NTM: variants seen among roughly 807,000 people sequenced by gnomAD.
NTM encodes the protein neurotrimin.
A neutral mutation model predicts 42.1 loss-of-function variants in NTM; 13 were observed. The observed-to-expected ratio is 0.31, with a 90% CI of 0.20 to 0.49. The LOEUF (loss-of-function observed/expected upper bound fraction) is 0.49. NTM is among the 20% of genes least tolerant of loss of function. NTM has a pLI of 0.99. For synonymous variants in NTM, 187 were observed against 179.2 expected (o/e 1.04, Z -0.35); for missense variants, 373 against 452.8 (o/e 0.82, Z 1.60).
intron 1 of NTM, among the ~76,000 whole-genome samples, chr11:131,869,474 T>C (rs897235527): frequency 2.0e-5 from 3 of 152,222 alleles, no homozygotes; most frequent in African/African-American, 7.2e-5. Context: ...TCTGTTAACA[T>C]TTCACTGGCT....
At chr11:131,386,226 C>A (rs141251331) in intron 1 of NTM, among the ~76,000 whole-genome samples, 1 of 152,076 alleles carries the variant, frequency 6.6e-6, no homozygotes. Context: ...ACCAAAGGAC[C>A]GATAAGGTAT....
At chr11:131,897,961 G>A (rs1423149982) in intron 1 of NTM, among the ~76,000 whole-genome samples, 1 of 152,100 alleles carries the variant, frequency 6.6e-6, no homozygotes. Flanking sequence ...TGATATCCTT[G>A]GAAAATAATT....
intron 1 of NTM, among the ~76,000 whole-genome samples, chr11:131,603,635 A>G (rs1461866787): frequency 6.6e-6 from 1 of 152,146 alleles, no homozygotes; most frequent in Admixed American, 6.5e-5. Context: ...ATTCTAAAAC[A>G]TTTTCAAGAC....
chr11:132,065,844 A>G (rs937174927), intron 2 of NTM, among the ~76,000 whole-genome samples: 2 of 152,238 alleles, frequency 1.3e-5, no homozygotes, highest in African/African-American at 4.8e-5. Context: ...CATTAAACTC[A>G]GAAAGGTACA....
chr11:132,326,086 G>A (rs2095675137), intron 7 of NTM, among the ~76,000 whole-genome samples: 1 of 152,032 alleles, frequency 6.6e-6, no homozygotes. Flanking sequence ...GTTAATGGGT[G>A]CAGCACACCA....
At chr11:131,374,573 C>T (rs1941711628) in intron 1 of NTM, among the ~76,000 whole-genome samples, 1 of 152,162 alleles carries the variant, frequency 6.6e-6, no homozygotes. Context: ...AGGCGTCCTG[C>T]GTAGTGTCTT....
chr11:131,733,406 A>C (rs1210382055), intron 1 of NTM, among the ~76,000 whole-genome samples: 2 of 151,686 alleles, frequency 1.3e-5, no homozygotes, highest in African/African-American at 2.4e-5. Flanking sequence ...ACATCATGAC[A>C]TTTTCCTATG....
chr11:131,584,648 C>A (rs1255591516), intron 1 of NTM, among the ~76,000 whole-genome samples: 2 of 152,186 alleles, frequency 1.3e-5, no homozygotes, highest in Non-Finnish European at 1.5e-5. Flanking sequence ...GATGTAAATA[C>A]CCAAATTTGT....
At chr11:131,491,014 A>AAC (rs1293937219) in intron 1 of NTM, among the ~76,000 whole-genome samples, 3 of 152,198 alleles carry the variant, frequency 2.0e-5, no homozygotes, top group Admixed American at 2.0e-4. Flanking sequence ...GTACAATAAG[A>AAC]ACATGTCTCA....
chr11:132,335,053 C>T lies in NTM; in HGVS notation c.975C>T (p.Gly325=), dbSNP rs184652868. 1.2e-6 allele frequency: 2 copies of T among 1,612,044 alleles called. No homozygotes were observed. Among genetic ancestry groups the T allele is most frequent in the Non-Finnish European group, 1.7e-6 (2 of 1,179,920 alleles). The change falls in exon 9 of 9, where the codon GGC becomes GGT. Residue 325 remains glycine (G), a synonymous_variant. Transcript: ENST00000683400. ...TTALTPWKGP[G]AVSEVSNGTS... is the part of the protein sequence containing the mutation. Reference sequence around the variant, plus strand: ...AGTGTGTTCTCTCCACAGGTCCAGGCGCCGTCAGCGAGGTGAGCAACGGCA... The same window carrying T: ...AGTGTGTTCTCTCCACAGGTCCAGGTGCCGTCAGCGAGGTGAGCAACGGCA...
At chr11:131,724,745 C>T (rs990039600) in intron 1 of NTM, among the ~76,000 whole-genome samples, 1 of 152,180 alleles carries the variant, frequency 6.6e-6, no homozygotes, top group African/African-American at 2.4e-5. Context: ...AAATTATAGA[C>T]CTCAGCTGTC....
chr11:131,831,306 T>C (rs1479036741), intron 1 of NTM, among the ~76,000 whole-genome samples: 1 of 152,194 alleles, frequency 6.6e-6, no homozygotes, highest in Non-Finnish European at 1.5e-5. Context: ...AGTTTGCCCT[T>C]GCTTACAAGG....
chr11:131,689,892 C>G (rs1239562964), intron 1 of NTM, among the ~76,000 whole-genome samples: 1 of 152,220 alleles, frequency 6.6e-6, no homozygotes, highest in African/African-American at 2.4e-5. Context: ...TACCTATTAC[C>G]TGGGTAGAGG....
At chr11:132,116,312 G>C (rs1296598968) in intron 2 of NTM, among the ~76,000 whole-genome samples, 1 of 152,214 alleles carries the variant, frequency 6.6e-6, no homozygotes. Context: ...GGACCATGGA[G>C]GTAGGGGCTG....
intron 2 of NTM, among the ~76,000 whole-genome samples, chr11:132,007,825 G>C (rs960083086): frequency 6.6e-6 from 1 of 152,110 alleles, no homozygotes; most frequent in African/African-American, 2.4e-5. Flanking sequence ...GCTTGCCTTT[G>C]TCCTGGGGGA....
intron 2 of NTM, among the ~76,000 whole-genome samples, chr11:132,028,930 A>G (rs1260321968): frequency 6.6e-6 from 1 of 152,094 alleles, no homozygotes; most frequent in East Asian, 1.9e-4. Context: ...GGAGTCTCCC[A>G]AAGTCTGGAG....
intron 1 of NTM, among the ~76,000 whole-genome samples, chr11:131,513,780 G>T (rs392498): frequency 0.15 from 22,841 of 152,190 alleles, 1,918 homozygotes; most frequent in Middle Eastern, 0.22. Flanking sequence ...AAGTATTGTT[G>T]TGTAAAGGTC....
chr11:131,890,160 C>CTCCCTGTA (rs1555167731), intron 1 of NTM, among the ~76,000 whole-genome samples: 1 of 148,230 alleles, frequency 6.7e-6, no homozygotes, highest in Non-Finnish European at 1.5e-5. Flanking sequence ...CTCTCTGTCT[C>CTCCCTGTA]TCTCTCTCTC....
intron 2 of NTM, among the ~76,000 whole-genome samples, chr11:132,128,924 C>T (rs1003367315): frequency 9.0e-6 from 1 of 111,442 alleles, no homozygotes; most frequent in Non-Finnish European, 1.7e-5. Context: ...GGCGATAGAG[C>T]GAGACACCAT....
Sources: allele counts gnomAD v4.1 joint callset (sites outside exome capture counted in the v4.1 genomes callset), GRCh38; gene constraint gnomAD v4.1.1; transcripts MANE v1.5; gene names NCBI Gene and HGNC (gene_info 2026-07-23, HGNC 2026-07-21).